ALKBH5: variants seen among roughly 807,000 people sequenced by gnomAD.
The protein encoded by ALKBH5 is RNA demethylase ALKBH5.
A neutral mutation model predicts 32.1 loss-of-function variants in ALKBH5; 2 were observed. The observed-to-expected ratio is 0.06, with a 90% CI of 0.03 to 0.20. The LOEUF is 0.20. ALKBH5 is among the 10% of genes least tolerant of loss of function. The pLI, the probability that ALKBH5 is intolerant of heterozygous loss-of-function variation, is 1.00. For missense variants in ALKBH5, 352 were observed against 559.5 expected (o/e 0.63, Z 3.74); for synonymous variants, 300 against 231.7 (o/e 1.29, Z -2.68).
chr17:18,184,342 T>C lies in ALKBH5; in HGVS notation c.99T>C (p.Ala33=), dbSNP rs1163701018. ...CGGGCAGCCGGGAGGCCGCCGCCGC[T>C]GCCGCAGCCGCCGTAGCCGCCGCAG... ...YKAGSREAAA[A]AAAAVAAAAA... Residue 33 remains alanine, a synonymous_variant, in exon 1 of 4, where the codon GCT becomes GCC. Coordinates refer to ENST00000399138, the MANE Select transcript of ALKBH5 (RefSeq NM_017758.4). 3 of 1,511,986 alleles carry C rather than the reference T, an allele frequency of 2.0e-6. No homozygotes were observed. Among genetic ancestry groups the C allele is most frequent in the Non-Finnish European group, 2.6e-6 (3 of 1,134,126 alleles). The allele number at this position is 1,511,986 out of a possible 1,614,324, so 93.7% of individuals were successfully genotyped here.
intron 2 of ALKBH5, among the ~76,000 whole-genome samples, chr17:18,198,489 A>G (rs1262878913): frequency 6.6e-6 from 1 of 152,182 alleles, no homozygotes; most frequent in Non-Finnish European, 1.5e-5. Flanking sequence ...GATAAGTATG[A>G]TGTGGCCTTG....
In ALKBH5 at chr17:18,184,267, G is replaced by A; in HGVS notation, c.24G>A (p.Thr8=). The A allele has an allele frequency of 2.6e-6, 4 of 1,522,328 alleles. No homozygotes were observed. The highest frequency in any genetic ancestry group is 2.6e-6 in the Non-Finnish European group (3 of 1,138,932). The allele number at this position is 1,522,328 out of a possible 1,614,324, so 94.3% of individuals were successfully genotyped here. A position where few individuals can be genotyped will look rare whatever the true frequency, so the allele number is the denominator to read the frequency against. ...CCATGGCGGCCGCCAGCGGCTACACGGACCTGCGTGAGAAGCTCAAGTCCA... is the reference window on the plus strand; with the variant it reads ...CCATGGCGGCCGCCAGCGGCTACACAGACCTGCGTGAGAAGCTCAAGTCCA... The part of the protein sequence containing the change: MAAASGY[T]DLREKLKSMT... Residue 8 remains threonine (T), a synonymous_variant, in exon 1 of 4, where the codon ACG becomes ACA. Transcript: ENST00000399138.
intron 1 of ALKBH5, among the ~76,000 whole-genome samples, chr17:18,189,089 A>T (rs1162282429): frequency 6.6e-6 from 1 of 150,734 alleles, no homozygotes; most frequent in African/African-American, 2.4e-5. Flanking sequence ...AAAAAAAAAA[A>T]TTTCAAGGCC....
At chr17:18,201,411 GCAC>G (rs773444257) in intron 2 of ALKBH5, among the ~76,000 whole-genome samples, 2 of 152,316 alleles carry the variant, frequency 1.3e-5, no homozygotes, top group Middle Eastern at 3.4e-3. Flanking sequence ...AGTCTTATCT[GCAC>G]CTGTAAATTG....
intron 2 of ALKBH5, among the ~76,000 whole-genome samples, chr17:18,196,251 C>A (rs993947626): frequency 6.8e-6 from 1 of 147,032 alleles, no homozygotes; most frequent in Admixed American, 6.9e-5. Context: ...CTCACTCTGT[C>A]GCCTAGGCTG....
chr17:18,185,330 A>G (rs1385063615), intron 1 of ALKBH5, among the ~76,000 whole-genome samples: 3 of 151,878 alleles, frequency 2.0e-5, no homozygotes, highest in East Asian at 1.9e-4. Flanking sequence ...ATTTCTTAGC[A>G]TAAGTCCCTT....
intron 1 of ALKBH5, among the ~76,000 whole-genome samples, chr17:18,192,349 A>T (rs2047181173): frequency 6.6e-6 from 1 of 152,218 alleles, no homozygotes; most frequent in Non-Finnish European, 1.5e-5. Flanking sequence ...CCAAGTAGTC[A>T]TATAATGCTG....
At chr17:18,205,851 G>A (rs1224540155) in intron 2 of ALKBH5, among the ~76,000 whole-genome samples, 4 of 152,134 alleles carry the variant, frequency 2.6e-5, no homozygotes, top group African/African-American at 4.8e-5. Context: ...CTACTCCTTC[G>A]GAACTAAGTT....
chr17:18,208,329 A>G lies in ALKBH5; in HGVS notation c.1118A>G (p.Glu373Gly). ...GAGAACTACTGGCGCAAGTCATACGAGTCCTCAGAGGACTGCTCTGAGGCA... is the reference window on the plus strand; with the variant it reads ...GAGAACTACTGGCGCAAGTCATACGGGTCCTCAGAGGACTGCTCTGAGGCA... ...SSENYWRKSY[E>G]SSEDCSEAAG... The change falls in exon 4 of 4, where the codon GAG becomes GGG. Residue 373 changes from glutamate to glycine, a missense_variant. Transcript: ENST00000399138. 1 of 1,614,116 alleles carries G rather than the reference A, an allele frequency of 6.2e-7. No individual in the cohort carries two copies. The highest frequency in any genetic ancestry group is 8.5e-7 in the Non-Finnish European group (1 of 1,180,022).
In ALKBH5 at chr17:18,183,970, G is replaced by A. The variant is rs2047117047; in HGVS notation, c.-274G>A. Reference sequence around the variant, plus strand: ...CCGCGTCTCCGCAGCAGCCCTCCGCGGCATGAGGCGCTGCCGGCGCCCCTG... The same window carrying A: ...CCGCGTCTCCGCAGCAGCCCTCCGCAGCATGAGGCGCTGCCGGCGCCCCTG... On this transcript the variant is annotated 5_prime_UTR_variant, in exon 1 of 4. Transcript: ENST00000399138. 1.6e-6 allele frequency: 1 copy of A among 626,798 alleles called. No homozygotes were observed. The highest frequency in any genetic ancestry group is 1.5e-5 in the South Asian group (1 of 64,560). 38.8% of individuals were successfully genotyped at this position (626,798 alleles called of 1,614,324 possible).
intron 2 of ALKBH5, among the ~76,000 whole-genome samples, chr17:18,204,217 C>T (rs1448366359): frequency 1.4e-4 from 21 of 151,078 alleles, no homozygotes; most frequent in Admixed American, 1.4e-3. Context: ...TTTGGGAAGC[C>T]AGGACGGGCA....
At chr17:18,199,181 T>C (rs1014886153) in intron 2 of ALKBH5, among the ~76,000 whole-genome samples, 2 of 152,216 alleles carry the variant, frequency 1.3e-5, no homozygotes, top group Non-Finnish European at 2.9e-5. Flanking sequence ...TACAGGCTAG[T>C]CGGCTCTTTG....
rs1301672054 is a variant in ALKBH5 at position 18,184,672 on chromosome 17, C to T, written c.429C>T (p.Ala143=). 28 of 1,612,720 alleles carry T rather than the reference C, an allele frequency of 1.7e-5. No individual in the cohort carries two copies. The highest frequency in any genetic ancestry group is 2.4e-5 in the Non-Finnish European group (28 of 1,179,554). ...TCGGCGAAGGCTACACTTACGGCGCCCAGCTGCAGAAGCGCGGGCCCGGCC... is the reference window on the plus strand; with the variant it reads ...TCGGCGAAGGCTACACTTACGGCGCTCAGCTGCAGAAGCGCGGGCCCGGCC... ...YFFGEGYTYG[A]QLQKRGPGQE... is the part of the protein sequence containing the mutation. The change falls in exon 1 of 4, where the codon GCC becomes GCT. Residue 143 remains alanine (A), a synonymous_variant. Transcript: ENST00000399138.
At position 18,208,517 on chromosome 17, in the gene ALKBH5, G is replaced by T. The variant is rs753674477; in HGVS notation, c.*121G>T. On this transcript the variant is annotated 3_prime_UTR_variant, in exon 4 of 4. Transcript: ENST00000399138. ...TTGTTTTTTGTTTTTTGTTTTTTTT[G>T]ATTCTATATATTTTTCCTTGGTTTT... 142 of 1,178,280 alleles carry T rather than the reference G, an allele frequency of 1.2e-4. No homozygotes were observed. Among genetic ancestry groups the T allele is most frequent in the African/African-American group, 1.7e-4 (11 of 63,196 alleles). 73.0% of individuals were successfully genotyped at this position (1,178,280 alleles called of 1,614,324 possible).
At chr17:18,194,748 A>G (rs1382599416) in intron 1 of ALKBH5, among the ~76,000 whole-genome samples, 2 of 152,118 alleles carry the variant, frequency 1.3e-5, no homozygotes, top group African/African-American at 4.8e-5. Context: ...GTGTCATACC[A>G]GGTTTTTCCT....
At chr17:18,195,101 C>A in intron 2 of ALKBH5, 66 bp downstream of exon 2, 1 of 1,373,570 alleles carries the variant, frequency 7.3e-7, no homozygotes, top group Non-Finnish European at 1.0e-6. Flanking sequence ...AGCTCTGGGT[C>A]CACTTAGAAC....
intron 1 of ALKBH5, among the ~76,000 whole-genome samples, 161 bp downstream of exon 1, chr17:18,185,174 A>G (rs1328830935): frequency 2.6e-5 from 4 of 152,178 alleles, no homozygotes; most frequent in Non-Finnish European, 4.4e-5. Flanking sequence ...TGTGTTTAAG[A>G]TACCTATAGC....
chr17:18,187,972 G>A (rs904873456), intron 1 of ALKBH5, among the ~76,000 whole-genome samples: 11 of 152,180 alleles, frequency 7.2e-5, no homozygotes, highest in Non-Finnish European at 1.3e-4. Flanking sequence ...GGATGTTGGT[G>A]CGTCACAAAC....
At chr17:18,197,945 A>G (rs2047213600) in intron 2 of ALKBH5, among the ~76,000 whole-genome samples, 1 of 152,110 alleles carries the variant, frequency 6.6e-6, no homozygotes, top group Non-Finnish European at 1.5e-5. Flanking sequence ...GGGAACTCTA[A>G]AGTATCTGCA....
Sources: gnomAD v4.1 joint callset for allele counts (sites outside exome capture counted in the v4.1 genomes callset) on GRCh38, gnomAD v4.1.1 for gene constraint, MANE v1.5 for transcripts, NCBI Gene and HGNC (gene_info 2026-07-23, HGNC 2026-07-21) for gene names.